The following TMEM184B variants were observed in gnomAD, a reference collection of about 807,000 sequenced individuals.
TMEM184B encodes the protein transmembrane protein 184B.
A neutral mutation model predicts 41.8 loss-of-function variants in TMEM184B; 17 were observed. That is an observed-to-expected ratio of 0.41 (90% CI 0.28 to 0.61). The LOEUF (loss-of-function observed/expected upper bound fraction) is 0.61, where lower values mean the gene tolerates loss of function less well. Ranked by LOEUF, TMEM184B falls within the 20% of genes least tolerant of loss-of-function variation. TMEM184B has a pLI of 0.34. For missense variants in TMEM184B, 393 were observed against 557.8 expected, an observed-to-expected ratio of 0.70 and a Z score of 2.98; for synonymous variants, 240 against 229.5, an observed-to-expected ratio of 1.05 and a Z score of -0.41.
At chr22:38,229,234 A>G (rs931659145) in intron 5 of TMEM184B, among the ~76,000 whole-genome samples, 1 of 152,228 alleles carries the variant, frequency 6.6e-6, no homozygotes, top group African/African-American at 2.4e-5. Flanking sequence ...AGGGGCTGAC[A>G]TGACAGAGCC....
chr22:38,226,686 G>T lies in TMEM184B; in HGVS notation c.617+93C>A. 7.8e-7 allele frequency: 1 copy of T among 1,281,928 alleles called. No individual in the cohort carries two copies. Among genetic ancestry groups the T allele is most frequent in the Non-Finnish European group, 1.1e-6 (1 of 914,764 alleles). 79.4% of individuals were successfully genotyped at this position (1,281,928 alleles called of 1,614,324 possible). A position where few individuals can be genotyped will look rare whatever the true frequency, so the allele number is the denominator to read the frequency against. ...CCAGACACCCAGGAAGGTCATGGCT[G>T]TGCGGCCACTCTGGCTGCCCCCTTC... On this transcript the variant is annotated intron_variant, in intron 6 of 8. Coordinates refer to ENST00000361906, the MANE Select transcript of TMEM184B (RefSeq NM_012264.5). This position sits in a 1 kb window ranked among gnomAD's most constrained non-coding sequence, Gnocchi z 4.6.
intron 1 of TMEM184B, among the ~76,000 whole-genome samples, chr22:38,259,251 C>A (rs1044443098): frequency 2.0e-5 from 3 of 152,248 alleles, no homozygotes; most frequent in African/African-American, 7.2e-5. Flanking sequence ...CTGCTGCTAT[C>A]CCCTCTGCCC....
At chr22:38,236,112 G>A (rs906756000) in intron 3 of TMEM184B, among the ~76,000 whole-genome samples, 37 of 152,204 alleles carry the variant, frequency 2.4e-4, no homozygotes, top group African/African-American at 8.0e-4. Flanking sequence ...TGGACAATCA[G>A]GCTGTGTCTT....
In TMEM184B at chr22:38,269,770, G is replaced by A. The variant is rs189378329; in HGVS notation, c.-59+3114C>T. On this transcript the variant is annotated intron_variant, in intron 1 of 8. Transcript: ENST00000361906. Reference sequence around the variant, plus strand: ...AGGGGTCAGCAGTGGGGCAGACACCGTTACAACAGTGGGCTCCAGAACCTG... The same window carrying A: ...AGGGGTCAGCAGTGGGGCAGACACCATTACAACAGTGGGCTCCAGAACCTG... 1.7e-3 allele frequency among the ~76,000 whole-genome samples: 254 copies of A among 152,212 alleles called. 1 individual carries two copies. Among genetic ancestry groups the A allele is most frequent in the African/African-American group, 5.5e-3 (229 of 41,548 alleles).
At chr22:38,269,698 A>G (rs957042266) in intron 1 of TMEM184B, among the ~76,000 whole-genome samples, 2 of 152,142 alleles carry the variant, frequency 1.3e-5, no homozygotes, top group African/African-American at 4.8e-5. Flanking sequence ...CTCCATCTCA[A>G]AAAACAAAAA....
intron 8 of TMEM184B, 21 bp from the exon 9 acceptor site, chr22:38,221,731 G>C: frequency 6.2e-7 from 1 of 1,611,764 alleles, no homozygotes; most frequent in Non-Finnish European, 8.5e-7. Context: ...GGGAGCGGGA[G>C]GGGCAGGTGA....
chr22:38,239,126 C>T lies in TMEM184B; in HGVS notation c.358+6809G>A, dbSNP rs934216858. On this transcript the variant is annotated intron_variant, in intron 3 of 8. Transcript: ENST00000361906. This position sits in a 1 kb window ranked among gnomAD's most constrained non-coding sequence, Gnocchi z 4.6. ...TCTTTATGGCCCACCCCCAACCCCACAATCAAACACTGAATGCATATGGGG... is the reference window on the plus strand; with the variant it reads ...TCTTTATGGCCCACCCCCAACCCCATAATCAAACACTGAATGCATATGGGG... 6.6e-6 allele frequency among the ~76,000 whole-genome samples: 1 copy of T among 152,214 alleles called. No homozygotes were observed. Among genetic ancestry groups the T allele is most frequent in the Admixed American group, 6.5e-5 (1 of 15,286 alleles).
At chr22:38,237,492 TGGCCTC>T (rs2091805115) in intron 3 of TMEM184B, among the ~76,000 whole-genome samples, 1 of 152,266 alleles carries the variant, frequency 6.6e-6, no homozygotes, top group Non-Finnish European at 1.5e-5. Context: ...CGCCTAAAGC[TGGCCTC>T]ATGGCCCAGC....
In TMEM184B at chr22:38,225,172, C is replaced by T. The variant is rs773250810; in HGVS notation, c.788-193G>A. ...CCCCACTCTCCCAGCTCTTTGCCAC[C>T]GAAACTGAGATGCCAGCAATTACGC... On this transcript the variant is annotated intron_variant, in intron 7 of 8. Transcript: ENST00000361906. The surrounding 1 kb of genome is among the most constrained non-coding windows in gnomAD (Gnocchi z 4.4). Among the ~76,000 whole-genome samples, 3 of 152,186 alleles carry T rather than the reference C, an allele frequency of 2.0e-5. No individual in the cohort carries two copies. The highest frequency in any genetic ancestry group is 2.9e-5 in the Non-Finnish European group (2 of 68,044).
At chr22:38,246,633 A>G (rs2092037253) in intron 2 of TMEM184B, 7 of 338,562 alleles carry the variant, frequency 2.1e-5, no homozygotes, top group Non-Finnish European at 3.7e-5. Context: ...GAGTGGCTGC[A>G]GGGATGTCCT....
downstream of TMEM184B, among the ~76,000 whole-genome samples, chr22:38,217,895 G>A (rs2091170322): frequency 6.6e-6 from 1 of 151,486 alleles, no homozygotes; most frequent in Non-Finnish European, 1.5e-5. Flanking sequence ...TGGTGTGGTT[G>A]AGCCCAGGAG....
intron 1 of TMEM184B, among the ~76,000 whole-genome samples, chr22:38,267,090 A>G (rs1367929217): frequency 6.6e-6 from 1 of 152,092 alleles, no homozygotes; most frequent in Non-Finnish European, 1.5e-5. Context: ...TCTCAAAAAA[A>G]AAAAAAAAAC....
intron 3 of TMEM184B, 28 bp downstream of exon 3, chr22:38,245,906 AG>A: frequency 9.2e-6 from 4 of 433,354 alleles, no homozygotes; most frequent in South Asian, 3.0e-5. Flanking sequence ...GCCCCCCGCC[AG>A]CCCTCCCCAC....
In TMEM184B at chr22:38,219,871, G is replaced by A. The variant is rs2091212474; in HGVS notation, c.*1598C>T. 1 of 985,458 alleles carries A rather than the reference G, an allele frequency of 1.0e-6. No homozygotes were observed. Among genetic ancestry groups the A allele is most frequent in the Middle Eastern group, 5.2e-4 (1 of 1,914 alleles). The allele number at this position is 985,458 out of a possible 1,614,324, so 61.0% of individuals were successfully genotyped here. On this transcript the variant is annotated 3_prime_UTR_variant, in exon 9 of 9. Coordinates refer to ENST00000361906, the MANE Select transcript of TMEM184B (RefSeq NM_012264.5). ...CGCCCCCCCAAGATGGAGGGGGAGAGCTGGCCTCTGGCACCCACATGCAGG... is the reference window on the plus strand; with the variant it reads ...CGCCCCCCCAAGATGGAGGGGGAGAACTGGCCTCTGGCACCCACATGCAGG...
At position 38,239,607 on chromosome 22, in the gene TMEM184B, G is replaced by A. The variant is rs1435380278; in HGVS notation, c.358+6328C>T. On this transcript the variant is annotated intron_variant, in intron 3 of 8. Transcript: ENST00000361906. This position sits in a 1 kb window ranked among gnomAD's most constrained non-coding sequence, Gnocchi z 4.6. The stretch of plus-strand genomic sequence containing the variant: ...GTGCAGACGCAGAAGCTGGTTAAAA[G>A]TCTCCACGTGGAGCCACTGCATTAC... The A allele has an allele frequency of 6.6e-6, 1 of 152,228 alleles. No individual in the cohort carries two copies. The highest frequency in any genetic ancestry group is 1.5e-5 in the Non-Finnish European group (1 of 68,066). The allele number at this position is 152,228 out of a possible 1,614,324, so 9.4% of individuals were successfully genotyped here. A position where few individuals can be genotyped will look rare whatever the true frequency, so the allele number is the denominator to read the frequency against.
At chr22:38,266,831 C>A (rs549427894) in intron 1 of TMEM184B, among the ~76,000 whole-genome samples, 1 of 152,298 alleles carries the variant, frequency 6.6e-6, no homozygotes, top group East Asian at 1.9e-4. Context: ...CGCCTGTAAT[C>A]CCAGCACTTT....
At chr22:38,237,858 T>C (rs902469932) in intron 3 of TMEM184B, among the ~76,000 whole-genome samples, 1 of 151,150 alleles carries the variant, frequency 6.6e-6, no homozygotes, top group Admixed American at 6.6e-5. Flanking sequence ...TGGAGAGCAA[T>C]GGCAATGGCG....
rs2091199333 is a variant in TMEM184B at position 38,219,436 on chromosome 22, A to G, written c.*2033T>C. 1.0e-6 allele frequency: 1 copy of G among 985,710 alleles called. No homozygotes were observed. Among genetic ancestry groups the G allele is most frequent in the East Asian group, 1.1e-4 (1 of 8,828 alleles). The allele number at this position is 985,710 out of a possible 1,614,324, so 61.1% of individuals were successfully genotyped here. On this transcript the variant is annotated 3_prime_UTR_variant, in exon 9 of 9. Coordinates refer to ENST00000361906, the MANE Select transcript of TMEM184B (RefSeq NM_012264.5). The stretch of plus-strand genomic sequence containing the variant: ...TCATGGCAGTCATACAACAAGATAC[A>G]AAACTAGGAGACTCTGTCTTCTCAT...
chr22:38,225,778 C>T lies in TMEM184B; in HGVS notation c.618-185G>A. Among the ~76,000 whole-genome samples the T allele has an allele frequency of 6.6e-6, 1 of 152,174 alleles. No homozygotes were observed. The highest frequency in any genetic ancestry group is 1.9e-4 in the East Asian group (1 of 5,182). ...CAGGGGTGGGGGTACATGGGGTGCG[C>T]CTGCAGGCCAGACCAGCTCTACTGC... is the stretch of plus-strand genomic sequence containing the variant. On this transcript the variant is annotated intron_variant, in intron 6 of 8. Coordinates refer to ENST00000361906, the MANE Select transcript of TMEM184B (RefSeq NM_012264.5). This position sits in a 1 kb window ranked among gnomAD's most constrained non-coding sequence, Gnocchi z 4.4.
Sources: allele counts gnomAD v4.1 joint callset (sites outside exome capture counted in the v4.1 genomes callset), GRCh38; gene constraint gnomAD v4.1.1; non-coding constraint Gnocchi (gnomAD v3.1); transcripts MANE v1.5; gene names NCBI Gene and HGNC (gene_info 2026-07-23, HGNC 2026-07-21).